Variants in FCHSD2 observed in about 807,000 individuals in gnomAD.
FCHSD2 encodes the protein F-BAR and double SH3 domains protein 2.
A neutral mutation model predicts 108.1 loss-of-function variants in FCHSD2; 38 were observed. That is an observed-to-expected ratio of 0.35 (90% CI 0.27 to 0.46). The LOEUF (loss-of-function observed/expected upper bound fraction) is 0.46, where lower values mean the gene tolerates loss of function less well. FCHSD2 is among the 20% of genes least tolerant of loss of function. The pLI is 1.00. For synonymous variants in FCHSD2, 279 were observed against 314.7 expected (o/e 0.89, Z 1.20); for missense variants, 751 against 897.8 (o/e 0.84, Z 2.09).
At chr11:73,043,423 ATTGT>A (rs1001752042) in intron 3 of FCHSD2, among the ~76,000 whole-genome samples, 1 of 152,154 alleles carries the variant, frequency 6.6e-6, no homozygotes, top group African/African-American at 2.4e-5. Context: ...TATTTGCTTA[ATTGT>A]TCTTTTCCAT....
chr11:73,035,688 T>C (rs1035637426), intron 3 of FCHSD2, among the ~76,000 whole-genome samples: 25 of 143,176 alleles, frequency 1.7e-4, no homozygotes, highest in African/African-American at 4.7e-4. Context: ...AGTACTGAAA[T>C]GTTCAGTTTT....
chr11:73,006,683 C>G (rs1271592979), intron 4 of FCHSD2, among the ~76,000 whole-genome samples: 1 of 152,248 alleles, frequency 6.6e-6, no homozygotes, highest in Non-Finnish European at 1.5e-5. Flanking sequence ...CCTCTGTATT[C>G]TCCCTACTAT....
Position 73,038,674 on chromosome 11 carries a change from T to A in FCHSD2, c.166-22789A>T, listed in dbSNP as rs373764522. On this transcript the variant is annotated intron_variant, in intron 3 of 19. Coordinates refer to ENST00000409418, the MANE Select transcript of FCHSD2 (RefSeq NM_014824.3). ...ATACAAATGGACATAAACATGGGAATAATAAACACTAGGGAATCCAAGAGC... is the reference window on the plus strand; with the variant it reads ...ATACAAATGGACATAAACATGGGAAAAATAAACACTAGGGAATCCAAGAGC... Among the ~76,000 whole-genome samples the A allele has an allele frequency of 3.3e-5, 5 of 152,214 alleles. No homozygotes were observed. The East Asian group carries it at 9.6e-4, about 29-fold the overall frequency.
At chr11:72,840,376 A>C (rs1265756813) in intron 19 of FCHSD2, among the ~76,000 whole-genome samples, 1 of 152,250 alleles carries the variant, frequency 6.6e-6, no homozygotes, top group Non-Finnish European at 1.5e-5. Flanking sequence ...TTACCGTGCA[A>C]GTTATGACCT....
At chr11:73,126,704 A>C (rs1860868184) in intron 2 of FCHSD2, among the ~76,000 whole-genome samples, 1 of 152,112 alleles carries the variant, frequency 6.6e-6, no homozygotes. Context: ...CATAATATTC[A>C]CATAGTTTAA....
intron 13 of FCHSD2, among the ~76,000 whole-genome samples, chr11:72,858,079 G>T (rs1373213513): frequency 2.0e-5 from 3 of 152,204 alleles, no homozygotes; most frequent in Non-Finnish European, 4.4e-5. Context: ...TGCATAGGAG[G>T]TACTTAATAA....
intron 2 of FCHSD2, among the ~76,000 whole-genome samples, chr11:73,092,459 A>G (rs1247998998): frequency 6.6e-6 from 1 of 152,046 alleles, no homozygotes; most frequent in Non-Finnish European, 1.5e-5. Context: ...CTAACATAGC[A>G]TCTGCTTTAA....
chr11:73,096,441 C>T (rs1243100946), intron 2 of FCHSD2, among the ~76,000 whole-genome samples: 1 of 150,978 alleles, frequency 6.6e-6, no homozygotes, highest in Non-Finnish European at 1.5e-5. Context: ...ATTCCAGCTA[C>T]CGGTAAGGCT....
At chr11:73,031,921 T>C (rs1314105388) in intron 3 of FCHSD2, among the ~76,000 whole-genome samples, 1 of 152,222 alleles carries the variant, frequency 6.6e-6, no homozygotes, top group African/African-American at 2.4e-5. Context: ...TTATGGGTAT[T>C]ATCAATGTTC....
rs764009065 is a variant in FCHSD2 at position 72,867,914 on chromosome 11, T to A, written c.1259A>T (p.Glu420Val). 6.2e-7 allele frequency: 1 copy of A among 1,611,706 alleles called. No individual in the cohort carries two copies. The highest frequency in any genetic ancestry group is 8.5e-7 in the Non-Finnish European group (1 of 1,179,056). Residue 420 changes from glutamate (E) to valine (V), a missense_variant, in exon 13 of 20, where the codon GAG becomes GTG. Coordinates refer to ENST00000409418, the MANE Select transcript of FCHSD2 (RefSeq NM_014824.3). ...MNQVMEELENERWARPPAVTS... is the reference protein window; with the variant it reads ...MNQVMEELENVRWARPPAVTS... ...CACTGCAGGAGGGCGGGCCCATCGC[T>A]CATTTTCCAGTTCTTCCATTACTTG...
intron 12 of FCHSD2, among the ~76,000 whole-genome samples, chr11:72,878,149 T>A (rs955387266): frequency 1.3e-5 from 2 of 152,198 alleles, no homozygotes; most frequent in African/African-American, 4.8e-5. Flanking sequence ...CATAGTGGCA[T>A]GCAGTTGTAG....
At chr11:73,092,315 T>C (rs1005531349) in intron 2 of FCHSD2, among the ~76,000 whole-genome samples, 1 of 151,950 alleles carries the variant, frequency 6.6e-6, no homozygotes, top group Admixed American at 6.5e-5. Flanking sequence ...TTTTGTTTTT[T>C]TTTTTGTAGA....
chr11:72,861,890 C>T (rs1485147706), intron 13 of FCHSD2, among the ~76,000 whole-genome samples: 1 of 150,064 alleles, frequency 6.7e-6, no homozygotes, highest in African/African-American at 2.5e-5. Context: ...GAGATCATGC[C>T]ATTGCACTCC....
chr11:72,919,822 G>A (rs571242828), intron 9 of FCHSD2, among the ~76,000 whole-genome samples: 49 of 152,002 alleles, frequency 3.2e-4, no homozygotes, highest in African/African-American at 8.2e-4. Flanking sequence ...AATAAATGTC[G>A]TTGGATTAAA....
chr11:72,865,215 T>C (rs1225382285), intron 13 of FCHSD2, among the ~76,000 whole-genome samples: 1 of 152,238 alleles, frequency 6.6e-6, no homozygotes, highest in Non-Finnish European at 1.5e-5. Context: ...AATGTGCATT[T>C]CTGCTTCATG....
intron 3 of FCHSD2, 30 bp downstream of exon 3, chr11:73,083,665 C>T (rs1348809923): frequency 6.8e-7 from 1 of 1,468,822 alleles, no homozygotes; most frequent in South Asian, 1.2e-5. Context: ...AGAAGTATAC[C>T]TAGAATGGGA....
At position 73,090,760 on chromosome 11, in the gene FCHSD2, TTTA is replaced by T. The variant is rs200234136; in HGVS notation, c.120-7023_120-7021del. Among the ~76,000 whole-genome samples, 1,211 of 152,308 alleles carry T rather than the reference TTTA, an allele frequency of 8.0e-3. 21 individuals are homozygous for T. The highest frequency in any genetic ancestry group is 0.027 in the African/African-American group (1,135 of 41,570). Reference sequence around the variant, plus strand: ...TATGTGCATATATATAATGCATGTTTTTATTGAGATGAAATTCACATAATATAC... The same window carrying T: ...TATGTGCATATATATAATGCATGTTTTTGAGATGAAATTCACATAATATAC... On this transcript the variant is annotated intron_variant, in intron 2 of 19. Coordinates refer to ENST00000409418, the MANE Select transcript of FCHSD2 (RefSeq NM_014824.3).
chr11:72,988,849 T>G (rs536937294), intron 6 of FCHSD2, 115 bp downstream of exon 6: 6 of 793,660 alleles, frequency 7.6e-6, no homozygotes, highest in Non-Finnish European at 9.4e-6. Flanking sequence ...GTAGGTCAAA[T>G]GAAACCACCA....
chr11:72,886,419 T>C (rs1334373530), intron 12 of FCHSD2, among the ~76,000 whole-genome samples: 1 of 152,190 alleles, frequency 6.6e-6, no homozygotes, highest in Admixed American at 6.5e-5. Flanking sequence ...TCTTCTTCTG[T>C]GTTACACCCG....
Sources: allele counts gnomAD v4.1 joint callset (sites outside exome capture counted in the v4.1 genomes callset), GRCh38; gene constraint gnomAD v4.1.1; transcripts MANE v1.5; gene names NCBI Gene and HGNC (gene_info 2026-07-23, HGNC 2026-07-21).